The following PROK2 variants were observed in gnomAD, a reference collection of about 807,000 sequenced individuals.
The protein encoded by PROK2 is prokineticin-2.
In PROK2, 8 loss-of-function variants were observed where a neutral mutation model predicts 14.2. That is an observed-to-expected ratio of 0.56 (90% CI 0.33 to 1.02). The LOEUF is 1.02. Among genes scored for constraint, PROK2 ranks in the 50% least tolerant of loss-of-function variants. The pLI is 0.03. For synonymous variants in PROK2, 59 were observed against 60.7 expected, an observed-to-expected ratio of 0.97 and a Z score of 0.13; for missense variants, 154 against 160.4, an observed-to-expected ratio of 0.96 and a Z score of 0.22.
In PROK2 at chr3:71,772,644, AT is replaced by A. The variant is rs2050088815; in HGVS notation, c.*79del. ...AAGCAAGAGCATTTCTTTCTGGCAC[AT>A]TTTTTGTTTGGCACAATCACAAGTA... On this transcript the variant is annotated 3_prime_UTR_variant, in exon 4 of 4. Coordinates refer to ENST00000295619, the MANE Select transcript of PROK2 (RefSeq NM_001126128.2). 2.4e-6 allele frequency: 3 copies of A among 1,267,112 alleles called. No individual in the cohort carries two copies. Among genetic ancestry groups the A allele is most frequent in the Non-Finnish European group, 2.3e-6 (2 of 867,742 alleles). 78.5% of individuals were successfully genotyped at this position (1,267,112 alleles called of 1,614,324 possible). A position where few individuals can be genotyped will look rare whatever the true frequency, so the allele number is the denominator to read the frequency against.
Position 71,772,498 on chromosome 3 carries a change from G to A in PROK2, c.*226C>T. The A allele has an allele frequency of 2.1e-6, 1 of 476,950 alleles. No homozygotes were observed. Among genetic ancestry groups the A allele is most frequent in the African/African-American group, 2.0e-5 (1 of 50,088 alleles). 29.5% of individuals were successfully genotyped at this position (476,950 alleles called of 1,614,324 possible). A position where few individuals can be genotyped will look rare whatever the true frequency, so the allele number is the denominator to read the frequency against. ...AACCAAAACACAAACAGGGAAATAA[G>A]AACCAGTTCCATAATGCCTTACACT... is the stretch of plus-strand genomic sequence containing the variant. On this transcript the variant is annotated 3_prime_UTR_variant, in exon 4 of 4. Coordinates refer to ENST00000295619, the MANE Select transcript of PROK2 (RefSeq NM_001126128.2).
At chr3:71,782,898 G>A (rs986552474) in intron 1 of PROK2, among the ~76,000 whole-genome samples, 2 of 152,088 alleles carry the variant, frequency 1.3e-5, no homozygotes, top group South Asian at 4.1e-4. Context: ...TTCACCTTGA[G>A]GTGTTTGGAT....
At chr3:71,776,459 C>A (rs2050120974) in intron 2 of PROK2, among the ~76,000 whole-genome samples, 1 of 141,350 alleles carries the variant, frequency 7.1e-6, no homozygotes, top group African/African-American at 2.7e-5. Context: ...CTCACTGTAG[C>A]CTCAGCCTCC....
chr3:71,773,764 G>C (rs1034424535), intron 3 of PROK2, among the ~76,000 whole-genome samples: 1 of 152,194 alleles, frequency 6.6e-6, no homozygotes, highest in East Asian at 1.9e-4. Flanking sequence ...TGCTTCATTC[G>C]AGAGTCACTC....
intron 2 of PROK2, among the ~76,000 whole-genome samples, chr3:71,775,685 G>C (rs1216543820): frequency 6.6e-6 from 1 of 152,192 alleles, no homozygotes; most frequent in African/African-American, 2.4e-5. Flanking sequence ...TCAGCTAGGA[G>C]GGGAAAGTGC....
intron 2 of PROK2, among the ~76,000 whole-genome samples, chr3:71,779,672 C>T (rs1264311504): frequency 6.6e-6 from 1 of 152,158 alleles, no homozygotes; most frequent in African/African-American, 2.4e-5. Context: ...GGCAAGATCA[C>T]GCTCACTGCA....
At chr3:71,781,954 T>TA (rs1309701741) in intron 1 of PROK2, among the ~76,000 whole-genome samples, 1 of 152,092 alleles carries the variant, frequency 6.6e-6, no homozygotes, top group African/African-American at 2.4e-5. Flanking sequence ...ACATGGCCAT[T>TA]AGGAACTACA....
chr3:71,772,828 C>T lies in PROK2; in HGVS notation c.286G>A (p.Val96Ile). The T allele has an allele frequency of 1.2e-6, 2 of 1,613,744 alleles. No homozygotes were observed. The highest frequency in any genetic ancestry group is 1.1e-5 in the South Asian group (1 of 91,064). Residue 96 changes from valine to isoleucine, a missense_variant and splice_region_variant, in exon 4 of 4, where the codon GTT becomes ATT. By Grantham distance (29) the Val-to-Ile change is conservative (BLOSUM62 3). Transcript: ENST00000295619. The part of the protein sequence containing the change: ...KRKRSKRKKE[V>I]PFFGRRMHHT... ...TGCATCCTCCGCCCAAAAAATGGAA[C>T]CTAAATAAAAAAGAAAACGGAGTCA...
intron 2 of PROK2, among the ~76,000 whole-genome samples, chr3:71,779,917 C>T (rs1373099880): frequency 1.3e-5 from 2 of 152,104 alleles, no homozygotes; most frequent in African/African-American, 2.4e-5. Context: ...CCAAAAACAA[C>T]GTAATTCTTA....
At chr3:71,777,267 T>C (rs570030746) in intron 2 of PROK2, among the ~76,000 whole-genome samples, 1 of 152,236 alleles carries the variant, frequency 6.6e-6, no homozygotes, top group Non-Finnish European at 1.5e-5. Context: ...GAAATAATCA[T>C]AGACAGTAGC....
intron 2 of PROK2, among the ~76,000 whole-genome samples, chr3:71,779,570 G>T (rs960178291): frequency 1.3e-5 from 2 of 152,144 alleles, no homozygotes; most frequent in Admixed American, 1.3e-4. Context: ...AGCATCTAGG[G>T]CATGTGAAGC....
intron 2 of PROK2, among the ~76,000 whole-genome samples, chr3:71,779,570 G>A (rs960178291): frequency 6.6e-6 from 1 of 152,144 alleles, no homozygotes; most frequent in African/African-American, 2.4e-5. Context: ...AGCATCTAGG[G>A]CATGTGAAGC....
chr3:71,773,653 A>G (rs2050097416), intron 3 of PROK2, among the ~76,000 whole-genome samples: 5 of 152,222 alleles, frequency 3.3e-5, no homozygotes, highest in Admixed American at 2.0e-4. Flanking sequence ...AGATGCCAGG[A>G]GTCAAAATGC....
intron 1 of PROK2, among the ~76,000 whole-genome samples, chr3:71,784,594 G>A (rs1328666887): frequency 1.3e-5 from 2 of 152,314 alleles, no homozygotes; most frequent in East Asian, 3.9e-4. Context: ...TTCGAGGTTG[G>A]AGAGCCTCCA....
In PROK2 at chr3:71,781,325, G is replaced by A. The variant is rs544151288; in HGVS notation, c.222+142C>T. ...TGAAATGAAAGGGGAGAGGAGAGGGGGTAGTTTTACACTGTTATCCTTGCT... is the reference window on the plus strand; with the variant it reads ...TGAAATGAAAGGGGAGAGGAGAGGGAGTAGTTTTACACTGTTATCCTTGCT... On this transcript the variant is annotated intron_variant, in intron 2 of 3. Coordinates refer to ENST00000295619, the MANE Select transcript of PROK2 (RefSeq NM_001126128.2). 1.6e-4 allele frequency: 154 copies of A among 987,586 alleles called. No individual in the cohort carries two copies. The African/African-American group carries it at 2.3e-3, about 15-fold the overall frequency. The allele number at this position is 987,586 out of a possible 1,614,324, so 61.2% of individuals were successfully genotyped here. A position where few individuals can be genotyped will look rare whatever the true frequency, so the allele number is the denominator to read the frequency against.
Position 71,772,503 on chromosome 3 carries a change from A to C in PROK2, c.*221T>G, listed in dbSNP as rs183366125. 3.8e-3 allele frequency: 1,900 copies of C among 496,308 alleles called. 12 individuals are homozygous for C. The highest frequency in any genetic ancestry group is 4.5e-3 in the Non-Finnish European group (1,254 of 281,300). 30.7% of individuals were successfully genotyped at this position (496,308 alleles called of 1,614,324 possible). A position where few individuals can be genotyped will look rare whatever the true frequency, so the allele number is the denominator to read the frequency against. On this transcript the variant is annotated 3_prime_UTR_variant, in exon 4 of 4. Transcript: ENST00000295619. The stretch of plus-strand genomic sequence containing the variant: ...AAACACAAACAGGGAAATAAGAACC[A>C]GTTCCATAATGCCTTACACTTCATA...
intron 2 of PROK2, among the ~76,000 whole-genome samples, chr3:71,778,441 T>C (rs2050136894): frequency 6.6e-6 from 1 of 152,164 alleles, no homozygotes; most frequent in Non-Finnish European, 1.5e-5. Flanking sequence ...AATTGGTACA[T>C]GTTAAATAAA....
In PROK2 at chr3:71,781,593, C is replaced by A. The variant is rs1285295009; in HGVS notation, c.97-1G>T. 1 of 1,610,706 alleles carries A rather than the reference C, an allele frequency of 6.2e-7. No homozygotes were observed. The highest frequency in any genetic ancestry group is 1.1e-5 in the South Asian group (1 of 91,002). ...CACATTGGGAGTCCTTGTCACAAGC[C>A]TGAAATGTAATAAACAAACAGATAA... On this transcript the variant is annotated splice_acceptor_variant, in intron 1 of 3. Coordinates refer to ENST00000295619, the MANE Select transcript of PROK2 (RefSeq NM_001126128.2). LOFTEE classifies it high-confidence loss of function.
chr3:71,772,344 G>C lies in PROK2; in HGVS notation c.*380C>G. On this transcript the variant is annotated 3_prime_UTR_variant, in exon 4 of 4. Transcript: ENST00000295619. ...AAGCTGTAGGTGTATTTGTGTGGCA[G>C]GGCACAAATGGGGCTTGGGGTGGTG... 4.8e-6 allele frequency: 1 copy of C among 206,578 alleles called. No individual in the cohort carries two copies. The highest frequency in any genetic ancestry group is 9.8e-6 in the Non-Finnish European group (1 of 101,524). 12.8% of individuals were successfully genotyped at this position (206,578 alleles called of 1,614,324 possible). A position where few individuals can be genotyped will look rare whatever the true frequency, so the allele number is the denominator to read the frequency against.
Sources: gnomAD v4.1 joint callset for allele counts (sites outside exome capture counted in the v4.1 genomes callset) on GRCh38, gnomAD v4.1.1 for gene constraint, MANE v1.5 for transcripts, NCBI Gene and HGNC (gene_info 2026-07-23, HGNC 2026-07-21) for gene names.